Variants in CDIN1 observed in about 807,000 individuals in gnomAD.
CDIN1 encodes the protein CDAN1 interacting nuclease 1.
CDIN1 carries 33 observed loss-of-function variants against 45.3 expected under a neutral mutation model. That is an observed-to-expected ratio of 0.73 (90% CI 0.55 to 0.97). CDIN1 has a LOEUF of 0.97. Ranked by LOEUF, CDIN1 falls within the 50% of genes least tolerant of loss-of-function variation. CDIN1 has a pLI of 0.00. For missense variants in CDIN1, 303 were observed against 339.4 expected (o/e 0.89, Z 0.84); for synonymous variants, 118 against 124.4 (o/e 0.95, Z 0.34).
rs112617831 is a variant in CDIN1, at chr15:36,794,782, C to A, written c.717-13542C>A. 2.0e-3 allele frequency among the ~76,000 whole-genome samples: 305 copies of A among 152,178 alleles called. 1 individual carries two copies. The highest frequency in any genetic ancestry group is 6.6e-3 in the African/African-American group (276 of 41,524). On this transcript the variant is annotated intron_variant, in intron 10 of 10. Coordinates refer to ENST00000566621, the MANE Select transcript of CDIN1 (RefSeq NM_001321759.2). ...AACAAAGATGAACTATTAAACTTGGCAAGATTTCAAAATGCTCCTAGTCTA... is the reference window on the plus strand; with the variant it reads ...AACAAAGATGAACTATTAAACTTGGAAAGATTTCAAAATGCTCCTAGTCTA...
At chr15:36,755,902 G>A in intron 10 of CDIN1, 1 of 328,682 alleles carries the variant, frequency 3.0e-6, no homozygotes, top group Non-Finnish European at 6.0e-6. Flanking sequence ...AATATAGAAT[G>A]TAACTGAAGA....
chr15:36,695,986 A>G (rs1312364640), intron 7 of CDIN1, among the ~76,000 whole-genome samples: 1 of 152,208 alleles, frequency 6.6e-6, no homozygotes, highest in African/African-American at 2.4e-5. Flanking sequence ...CATAATTTTA[A>G]TACTTTTTGA....
At chr15:36,771,975 C>G (rs2054091988) in intron 10 of CDIN1, among the ~76,000 whole-genome samples, 1 of 151,554 alleles carries the variant, frequency 6.6e-6, no homozygotes, top group Non-Finnish European at 1.5e-5. Flanking sequence ...AAACTCACAG[C>G]AACTGACTGA....
At chr15:36,684,112 T>C (rs894001856) in intron 5 of CDIN1, among the ~76,000 whole-genome samples, 49 of 151,784 alleles carry the variant, frequency 3.2e-4, no homozygotes, top group African/African-American at 9.7e-4. Flanking sequence ...CAACACTATG[T>C]TGAATAGCAG....
intron 10 of CDIN1, among the ~76,000 whole-genome samples, chr15:36,751,649 A>G (rs1279814688): frequency 6.6e-6 from 1 of 152,292 alleles, no homozygotes; most frequent in South Asian, 2.1e-4. Flanking sequence ...ATTACTGGGT[A>G]TATAACCAAA....
intron 1 of CDIN1, among the ~76,000 whole-genome samples, chr15:36,589,430 A>G (rs2037460703): frequency 1.3e-5 from 2 of 151,950 alleles, no homozygotes; most frequent in African/African-American, 4.8e-5. Context: ...TTGCTTAAAC[A>G]GTGAGCTGTA....
intron 10 of CDIN1, among the ~76,000 whole-genome samples, chr15:36,723,676 C>CAGG (rs1252988453): frequency 1.3e-5 from 2 of 152,138 alleles, no homozygotes; most frequent in Admixed American, 1.3e-4. Flanking sequence ...GCGATCTTCC[C>CAGG]ACCTCTGTCT....
At chr15:36,670,461 A>C (rs923829632) in intron 5 of CDIN1, among the ~76,000 whole-genome samples, 6 of 152,142 alleles carry the variant, frequency 3.9e-5, no homozygotes, top group Non-Finnish European at 5.9e-5. Context: ...TTATTAACAG[A>C]CACCTTTGTA....
At chr15:36,602,176 G>A (rs1318519060) in intron 1 of CDIN1, among the ~76,000 whole-genome samples, 1 of 152,214 alleles carries the variant, frequency 6.6e-6, no homozygotes, top group Non-Finnish European at 1.5e-5. Context: ...GTTTTGGTTG[G>A]TGGTGTGCCC....
intron 10 of CDIN1, among the ~76,000 whole-genome samples, chr15:36,805,143 A>G (rs1465659614): frequency 6.6e-6 from 1 of 152,152 alleles, no homozygotes; most frequent in Non-Finnish European, 1.5e-5. Flanking sequence ...AAAATTACTT[A>G]TTCAAACGTC....
At chr15:36,607,154 C>A (rs1360547215) in intron 1 of CDIN1, among the ~76,000 whole-genome samples, 1 of 152,054 alleles carries the variant, frequency 6.6e-6, no homozygotes, top group African/African-American at 2.4e-5. Flanking sequence ...ATGCCTGGTA[C>A]CCATGAAAAT....
intron 10 of CDIN1, among the ~76,000 whole-genome samples, chr15:36,793,351 G>C (rs190091495): frequency 6.6e-6 from 1 of 152,240 alleles, no homozygotes; most frequent in East Asian, 1.9e-4. Flanking sequence ...GTGAGGGGGA[G>C]AGAGCATTAC....
chr15:36,598,399 C>T (rs1012348828), intron 1 of CDIN1, among the ~76,000 whole-genome samples: 2 of 152,158 alleles, frequency 1.3e-5, no homozygotes, highest in African/African-American at 4.8e-5. Flanking sequence ...GTATTCTTTC[C>T]TAAGGCAGTT....
At chr15:36,738,499 T>C (rs890934257) in intron 10 of CDIN1, among the ~76,000 whole-genome samples, 17 of 152,090 alleles carry the variant, frequency 1.1e-4, no homozygotes, top group Non-Finnish European at 2.5e-4. Flanking sequence ...CCCCAGTTAT[T>C]GTTCTGACCT....
At chr15:36,649,925 A>G (rs2040504071) in intron 3 of CDIN1, among the ~76,000 whole-genome samples, 1 of 152,252 alleles carries the variant, frequency 6.6e-6, no homozygotes, top group East Asian at 1.9e-4. Flanking sequence ...TTAGCATTGT[A>G]AATGGGGCAT....
intron 1 of CDIN1, among the ~76,000 whole-genome samples, chr15:36,607,601 C>T (rs2038439513): frequency 6.6e-6 from 1 of 152,078 alleles, no homozygotes; most frequent in African/African-American, 2.4e-5. Flanking sequence ...CTTCCTCCCT[C>T]TTAACTTCCT....
chr15:36,754,910 A>C (rs2053570033), intron 10 of CDIN1, among the ~76,000 whole-genome samples: 2 of 152,104 alleles, frequency 1.3e-5, no homozygotes, highest in African/African-American at 4.8e-5. Context: ...TTTCTACCAA[A>C]AAAAAGGCCC....
At chr15:36,745,620 AG>A (rs2044392624) in intron 10 of CDIN1, among the ~76,000 whole-genome samples, 1 of 152,118 alleles carries the variant, frequency 6.6e-6, no homozygotes, top group African/African-American at 2.4e-5. Context: ...AGATACTCTT[AG>A]GGTGTAAGCA....
intron 1 of CDIN1, among the ~76,000 whole-genome samples, chr15:36,595,298 T>TAATA (rs2037762304): frequency 1.1e-5 from 1 of 89,300 alleles, no homozygotes; most frequent in African/African-American, 3.6e-5. Flanking sequence ...CATTATAATA[T>TAATA]AATATAATAT....
Sources: gnomAD v4.1 joint callset for allele counts (sites outside exome capture counted in the v4.1 genomes callset) on GRCh38, gnomAD v4.1.1 for gene constraint, MANE v1.5 for transcripts, NCBI Gene and HGNC (gene_info 2026-07-23, HGNC 2026-07-21) for gene names.